NCAM2: variants seen among roughly 807,000 people sequenced by gnomAD.
The protein encoded by NCAM2 is N-CAM-2.
In NCAM2, 30 loss-of-function variants were observed where a neutral mutation model predicts 98.1. The ratio of observed to expected loss-of-function variants is 0.31; its 90% CI spans 0.23 to 0.41. NCAM2 has a LOEUF of 0.41. Ranked by LOEUF, NCAM2 falls within the 10% of genes least tolerant of loss-of-function variation. NCAM2 has a pLI of 1.00. For synonymous variants in NCAM2, 368 were observed against 342.4 expected, an observed-to-expected ratio of 1.07 and a Z score of -0.83; for missense variants, 867 against 1,005.8, an observed-to-expected ratio of 0.86 and a Z score of 1.87.
chr21:21,495,085 A>G (rs1259727671), intron 15 of NCAM2, among the ~76,000 whole-genome samples: 1 of 151,936 alleles, frequency 6.6e-6, no homozygotes, highest in African/African-American at 2.4e-5. Context: ...AGCTAAAACT[A>G]TAAGAGGGAT....
chr21:21,266,921 G>A (rs1378677396), intron 1 of NCAM2, among the ~76,000 whole-genome samples: 1 of 152,088 alleles, frequency 6.6e-6, no homozygotes, highest in Non-Finnish European at 1.5e-5. Flanking sequence ...CACACAGAGA[G>A]ACATATGCAG....
intron 15 of NCAM2, among the ~76,000 whole-genome samples, chr21:21,503,773 G>T (rs1987789065): frequency 6.6e-6 from 1 of 151,810 alleles, no homozygotes; most frequent in Non-Finnish European, 1.5e-5. Flanking sequence ...ATTTCATGGG[G>T]TTAGAGAAAA....
At chr21:21,307,863 C>A (rs370051236) in intron 5 of NCAM2, among the ~76,000 whole-genome samples, 1 of 152,004 alleles carries the variant, frequency 6.6e-6, no homozygotes, top group East Asian at 1.9e-4. Flanking sequence ...CTTTTAATAT[C>A]AGATGAAAAG....
At chr21:21,081,719 T>A (rs2065803721) in intron 1 of NCAM2, among the ~76,000 whole-genome samples, 1 of 151,870 alleles carries the variant, frequency 6.6e-6, no homozygotes. Context: ...GAGAATTGCT[T>A]GAACCCAGGA....
chr21:21,488,523 A>T (rs1855768034), intron 15 of NCAM2, among the ~76,000 whole-genome samples: 1 of 151,994 alleles, frequency 6.6e-6, no homozygotes, highest in African/African-American at 2.4e-5. Context: ...TACCCTGATA[A>T]TGGAGAAATA....
chr21:21,206,262 C>A (rs1477322283), intron 1 of NCAM2, among the ~76,000 whole-genome samples: 1 of 152,026 alleles, frequency 6.6e-6, no homozygotes, highest in Admixed American at 6.6e-5. Flanking sequence ...ATAATAAATT[C>A]ACCATTACAC....
intron 1 of NCAM2, among the ~76,000 whole-genome samples, chr21:21,052,136 A>G (rs1394588560): frequency 1.4e-5 from 2 of 146,620 alleles, no homozygotes; most frequent in Non-Finnish European, 3.0e-5. Context: ...TGAGAACTCA[A>G]ACTCATGATG....
intron 1 of NCAM2, among the ~76,000 whole-genome samples, chr21:21,048,188 A>G (rs989707081): frequency 2.5e-4 from 38 of 152,246 alleles, no homozygotes; most frequent in African/African-American, 9.1e-4. Context: ...CTTCCTCTGT[A>G]CAATAAAACT....
At chr21:21,436,809 T>TAGAGG (rs1367853522) in intron 12 of NCAM2, among the ~76,000 whole-genome samples, 1 of 151,392 alleles carries the variant, frequency 6.6e-6, no homozygotes, top group Non-Finnish European at 1.5e-5. Context: ...TTGTCCAGGC[T>TAGAGG]AGAGGACAGT....
At chr21:21,461,069 T>C (rs1982901439) in intron 12 of NCAM2, among the ~76,000 whole-genome samples, 1 of 151,900 alleles carries the variant, frequency 6.6e-6, no homozygotes, top group Non-Finnish European at 1.5e-5. Context: ...TTTATGAATA[T>C]TTTATAAAAA....
intron 8 of NCAM2, among the ~76,000 whole-genome samples, chr21:21,365,474 A>T (rs1040051243): frequency 6.6e-6 from 1 of 152,076 alleles, no homozygotes; most frequent in African/African-American, 2.4e-5. Flanking sequence ...AATACAAAAC[A>T]TATAGCACTC....
At chr21:21,056,788 T>G (rs926235112) in intron 1 of NCAM2, among the ~76,000 whole-genome samples, 3 of 151,982 alleles carry the variant, frequency 2.0e-5, no homozygotes, top group African/African-American at 7.2e-5. Flanking sequence ...CAAATAAATA[T>G]AGATAGATAA....
At position 21,410,385 on chromosome 21, in the gene NCAM2, G is replaced by A. The variant is rs1175325477; in HGVS notation, c.1307G>A (p.Arg436Lys). ...CCACCAGCATCAATTCACTGGAGAA[G>A]AGATAAATTAGTCTTACCTGCTAAA... ...SNPPASIHWRRDKLVLPAKNT... is the reference protein window; with the variant it reads ...SNPPASIHWRKDKLVLPAKNT... Residue 436 changes from arginine (R) to lysine (K), a missense_variant, in exon 10 of 18, where the codon AGA becomes AAA. By Grantham distance (26) the Arg-to-Lys change is conservative (BLOSUM62 2). This residue lies in a region of NCAM2 where 56 missense variants were observed against 39.6 expected (regional missense o/e 1.41). Coordinates refer to ENST00000400546, the MANE Select transcript of NCAM2 (RefSeq NM_004540.5). 4 of 1,601,518 alleles carry A rather than the reference G, an allele frequency of 2.5e-6. No individual in the cohort carries two copies. The highest frequency in any genetic ancestry group is 1.3e-5 in the African/African-American group (1 of 74,590).
intron 1 of NCAM2, among the ~76,000 whole-genome samples, chr21:21,150,990 T>A (rs1429784353): frequency 6.6e-6 from 1 of 151,854 alleles, no homozygotes; most frequent in Non-Finnish European, 1.5e-5. Context: ...ATATATATAT[T>A]TTTAATCGTG....
intron 10 of NCAM2, among the ~76,000 whole-genome samples, chr21:21,414,065 C>T (rs2076938486): frequency 6.6e-6 from 1 of 152,190 alleles, no homozygotes; most frequent in African/African-American, 2.4e-5. Context: ...TTTCAGGCAT[C>T]TTCAGCAGGA....
In NCAM2 at chr21:21,397,353, G is replaced by A. The variant is rs567023344; in HGVS notation, c.1196-12921G>A. On this transcript the variant is annotated intron_variant, in intron 9 of 17. Transcript: ENST00000400546. ...GTCTGCCTCCTGCTGCCATCAACAT[G>A]TTGTATATGGCCCCCAGGCTGTTCA... Among the ~76,000 whole-genome samples, 4 of 152,298 alleles carry A rather than the reference G, an allele frequency of 2.6e-5. No homozygotes were observed. The East Asian group carries it at 7.8e-4, about 30-fold the overall frequency.
intron 1 of NCAM2, among the ~76,000 whole-genome samples, chr21:21,158,690 A>G (rs1291135982): frequency 6.6e-6 from 1 of 152,074 alleles, no homozygotes; most frequent in Non-Finnish European, 1.5e-5. Context: ...ACACCTTAGC[A>G]TATCGCATTA....
At chr21:21,325,376 C>CT (rs1292900550) in intron 6 of NCAM2, among the ~76,000 whole-genome samples, 1 of 152,098 alleles carries the variant, frequency 6.6e-6, no homozygotes, top group South Asian at 2.1e-4. Flanking sequence ...AACTTTTATT[C>CT]TTTTTTGCTT....
chr21:21,107,822 C>G (rs1230644354), intron 1 of NCAM2, among the ~76,000 whole-genome samples: 2 of 152,024 alleles, frequency 1.3e-5, no homozygotes, highest in Non-Finnish European at 2.9e-5. Flanking sequence ...TTTGCTTCAA[C>G]CACGGTGTCA....
Sources: gnomAD v4.1 joint callset for allele counts (sites outside exome capture counted in the v4.1 genomes callset) on GRCh38, gnomAD v4.1.1 for gene constraint, gnomAD v4.1.1 regional missense constraint, MANE v1.5 for transcripts, NCBI Gene and HGNC (gene_info 2026-07-23, HGNC 2026-07-21) for gene names.